DENND4A: variants seen among roughly 807,000 people sequenced by gnomAD.
The protein encoded by DENND4A is DENN domain containing 4A, also known as C-myc promoter-binding protein.
DENND4A carries 70 observed loss-of-function variants against 199.3 expected under a neutral mutation model. The ratio of observed to expected loss-of-function variants is 0.35; its 90% CI spans 0.29 to 0.43. The LOEUF (loss-of-function observed/expected upper bound fraction) is 0.43. Ranked by LOEUF, DENND4A falls within the 20% of genes least tolerant of loss-of-function variation. The pLI is 1.00. For synonymous variants in DENND4A, 686 were observed against 766.9 expected, an observed-to-expected ratio of 0.89 and a Z score of 1.74; for missense variants, 1,723 against 2,255.8, an observed-to-expected ratio of 0.76 and a Z score of 4.78.
intron 1 of DENND4A, among the ~76,000 whole-genome samples, chr15:65,789,636 T>A (rs549987557): frequency 1.3e-5 from 2 of 152,092 alleles, no homozygotes; most frequent in East Asian, 3.9e-4. Context: ...GAATAACAAG[T>A]CAATTTTCCT....
intron 1 of DENND4A, among the ~76,000 whole-genome samples, chr15:65,777,994 A>G (rs1242333201): frequency 6.6e-6 from 1 of 152,190 alleles, no homozygotes; most frequent in East Asian, 1.9e-4. Context: ...GATCAGGCCA[A>G]TGCACTCCAG....
In DENND4A at chr15:65,696,990, T is replaced by C. The variant is rs1383726205; in HGVS notation, c.2950+277A>G. ...AAAAAAGAAATAGTTTCAAGAAATG[T>C]ATATACAGTTCTACTAAATACATGT... On this transcript the variant is annotated intron_variant, in intron 21 of 32. Coordinates refer to ENST00000443035, the MANE Select transcript of DENND4A (RefSeq NM_001320835.1). 7 of 329,336 alleles carry C rather than the reference T, an allele frequency of 2.1e-5. No individual in the cohort carries two copies. The East Asian group carries it at 4.8e-4, about 23-fold the overall frequency. 20.4% of individuals were successfully genotyped at this position (329,336 alleles called of 1,614,324 possible).
chr15:65,748,039 CAAAAAA>C (rs34813076), intron 4 of DENND4A, among the ~76,000 whole-genome samples: 3 of 54,380 alleles, frequency 5.5e-5, no homozygotes, highest in African/African-American at 2.2e-4. Flanking sequence ...TACTCCGTCT[CAAAAAA>C]AAAAAAAAAA....
intron 9 of DENND4A, 188 bp downstream of exon 9, chr15:65,731,454 A>C (rs1248507790): frequency 4.8e-6 from 3 of 618,686 alleles, no homozygotes; most frequent in Non-Finnish European, 9.2e-6. Context: ...AATACAAAAC[A>C]CTATTAGAAA....
intron 18 of DENND4A, among the ~76,000 whole-genome samples, 194 bp from the exon 19 acceptor site, chr15:65,701,386 G>T (rs190351684): frequency 6.6e-6 from 1 of 152,140 alleles, no homozygotes; most frequent in African/African-American, 2.4e-5. Context: ...GGGCAACAAG[G>T]TGAAACCCCA....
At chr15:65,763,608 C>T (rs958549817) in intron 1 of DENND4A, among the ~76,000 whole-genome samples, 3 of 143,248 alleles carry the variant, frequency 2.1e-5, no homozygotes, top group East Asian at 4.0e-4. Flanking sequence ...CCCAGGAGGT[C>T]GAGGCTGCAG....
chr15:65,689,371 A>G (rs1192044973), intron 23 of DENND4A, among the ~76,000 whole-genome samples: 1 of 152,136 alleles, frequency 6.6e-6, no homozygotes. Context: ...TGGCATAGCT[A>G]TTTTTAATTG....
intron 23 of DENND4A, chr15:65,681,234 C>A (rs991602091): frequency 6.6e-6 from 1 of 152,206 alleles, no homozygotes; most frequent in Non-Finnish European, 1.5e-5. Flanking sequence ...CCACTGAAGT[C>A]CTGAACCCCT....
Position 65,664,253 on chromosome 15 carries a change from AACT to A in DENND4A, c.5587+74_5587+76del, listed in dbSNP as rs545361293. 315 of 801,050 alleles carry A rather than the reference AACT, an allele frequency of 3.9e-4. 3 individuals carry two copies. The East Asian group carries it at 8.8e-3, about 22-fold the overall frequency. The allele number at this position is 801,050 out of a possible 1,614,324, so 49.6% of individuals were successfully genotyped here. A position where few individuals can be genotyped will look rare whatever the true frequency, so the allele number is the denominator to read the frequency against. On this transcript the variant is annotated intron_variant, in intron 32 of 32. Transcript: ENST00000443035. The stretch of plus-strand genomic sequence containing the variant: ...AGATTTAATATTACTAATAAAGTAT[AACT>A]ACTAATATAAAAATACTTTGAAAAC...
At chr15:65,683,263 A>T (rs975093587) in intron 23 of DENND4A, among the ~76,000 whole-genome samples, 4 of 152,160 alleles carry the variant, frequency 2.6e-5, no homozygotes, top group African/African-American at 9.7e-5. Context: ...TTCTGATATT[A>T]GTGATTGTGT....
intron 23 of DENND4A, 97 bp downstream of exon 23, chr15:65,690,318 C>T (rs2076928310): frequency 4.6e-6 from 6 of 1,300,712 alleles, no homozygotes; most frequent in Middle Eastern, 2.0e-4. Flanking sequence ...TTTTATAAAG[C>T]TATGTTTAGA....
At chr15:65,703,705 G>A (rs558808067) in intron 15 of DENND4A, among the ~76,000 whole-genome samples, 10 of 152,338 alleles carry the variant, frequency 6.6e-5, no homozygotes, top group Admixed American at 1.3e-4. Context: ...GTTAGTGCAT[G>A]CCTATAATCC....
At chr15:65,780,872 C>T (rs921960166) in intron 1 of DENND4A, among the ~76,000 whole-genome samples, 6 of 152,132 alleles carry the variant, frequency 3.9e-5, no homozygotes, top group African/African-American at 1.2e-4. Flanking sequence ...GGTCTGGAAC[C>T]AACTACTTTA....
Position 65,759,113 on chromosome 15 carries a change from A to C in DENND4A, c.-23+2247T>G, listed in dbSNP as rs1014032509. Among the ~76,000 whole-genome samples, 3 of 152,228 alleles carry C rather than the reference A, an allele frequency of 2.0e-5. No homozygotes were observed. The East Asian group carries it at 5.8e-4, about 29-fold the overall frequency. On this transcript the variant is annotated intron_variant, in intron 2 of 32. Coordinates refer to ENST00000443035, the MANE Select transcript of DENND4A (RefSeq NM_001320835.1). ...ATTGCTAATGTCATCAGTTTTCAGA[A>C]TTCATGACACATTTCTTGGAATCTG...
intron 30 of DENND4A, chr15:65,665,070 A>C: frequency 2.2e-6 from 1 of 455,024 alleles, no homozygotes; most frequent in Non-Finnish European, 3.8e-6. Flanking sequence ...TGAATTCTGC[A>C]AAACACAACC....
intron 4 of DENND4A, among the ~76,000 whole-genome samples, chr15:65,750,263 A>G (rs1407967967): frequency 3.3e-5 from 5 of 152,208 alleles, no homozygotes; most frequent in African/African-American, 1.2e-4. Context: ...TTTCTCGCTT[A>G]TAAGTGAGAG....
intron 13 of DENND4A, among the ~76,000 whole-genome samples, 155 bp downstream of exon 13, chr15:65,717,623 C>T (rs1373221598): frequency 2.6e-5 from 4 of 152,038 alleles, no homozygotes; most frequent in African/African-American, 7.2e-5. Context: ...ATAACTAGTC[C>T]TATGGAAATG....
intron 11 of DENND4A, 26 bp from the exon 12 acceptor site, chr15:65,722,974 T>C (rs746852595): frequency 1.9e-6 from 3 of 1,557,948 alleles, no homozygotes; most frequent in Admixed American, 1.9e-5. Flanking sequence ...AACAGGAATA[T>C]ATTTGTTACA....
chr15:65,733,490 AATC>A (rs1196208192), intron 7 of DENND4A, among the ~76,000 whole-genome samples: 1 of 152,164 alleles, frequency 6.6e-6, no homozygotes. Context: ...ATTATTTCAA[AATC>A]ATCTTGGTTT....
Sources: gnomAD v4.1 joint callset for allele counts (sites outside exome capture counted in the v4.1 genomes callset) on GRCh38, gnomAD v4.1.1 for gene constraint, MANE v1.5 for transcripts, NCBI Gene and HGNC (gene_info 2026-07-23, HGNC 2026-07-21) for gene names.